Variants in UGCG observed in about 807,000 individuals in gnomAD.
UGCG encodes the protein UDP-glucose ceramide glucosyltransferase.
Under a neutral mutation model 49.5 loss-of-function variants are expected in UGCG, and 10 were observed. That is an observed-to-expected ratio of 0.20 (90% CI 0.12 to 0.34). The LOEUF (loss-of-function observed/expected upper bound fraction) is 0.34. Ranked by LOEUF, UGCG falls within the 10% of genes least tolerant of loss-of-function variation. The probability of loss-of-function intolerance (pLI) is 1.00; values close to 1 mark genes in which losing one functional copy is unlikely to be tolerated. For synonymous variants in UGCG, 182 were observed against 158.2 expected, an observed-to-expected ratio of 1.15 and a Z score of -1.13; for missense variants, 312 against 483.7, an observed-to-expected ratio of 0.65 and a Z score of 3.33.
At position 111,914,690 on chromosome 9, in the gene UGCG, G is replaced by A. The variant is rs375254021; in HGVS notation, c.184G>A (p.Val62Ile). ...GVSLLKPLKG[V>I]DPNLINNLET... is the part of the protein sequence containing the mutation. The stretch of plus-strand genomic sequence containing the variant: ...CTCTCTTCTGAAACCACTGAAAGGG[G>A]TAGATCCTAACTTAATCAACAACCT... The change falls in exon 2 of 9, where the codon GTA becomes ATA. Residue 62 changes from valine to isoleucine, a missense_variant. This residue lies in a region of UGCG where 65 missense variants were observed against 74.7 expected (regional missense o/e 0.87). Transcript: ENST00000374279. 1 of 1,614,118 alleles carries A rather than the reference G, an allele frequency of 6.2e-7. No individual in the cohort carries two copies. The highest frequency in any genetic ancestry group is 8.5e-7 in the Non-Finnish European group (1 of 1,180,000).
intron 3 of UGCG, among the ~76,000 whole-genome samples, chr9:111,924,166 C>G (rs1268293153): frequency 2.6e-5 from 4 of 152,100 alleles, no homozygotes; most frequent in Non-Finnish European, 4.4e-5. Flanking sequence ...TTAATTATAG[C>G]TTCAAAATAA....
At chr9:111,899,739 T>G (rs1004377722) in intron 1 of UGCG, among the ~76,000 whole-genome samples, 1 of 152,166 alleles carries the variant, frequency 6.6e-6, no homozygotes, top group East Asian at 1.9e-4. Context: ...TTTTTCTTAA[T>G]TTTTTCACAT....
At chr9:111,897,378 G>C (rs1837683137) in intron 1 of UGCG, 65 bp downstream of exon 1, 1 of 1,362,352 alleles carries the variant, frequency 7.3e-7, no homozygotes, top group Non-Finnish European at 1.0e-6. Flanking sequence ...GGCGAGAATG[G>C]GAAACGTTTG....
At chr9:111,901,219 G>A (rs542849335) in intron 1 of UGCG, among the ~76,000 whole-genome samples, 63 of 152,278 alleles carry the variant, frequency 4.1e-4, no homozygotes, top group African/African-American at 1.2e-3. Context: ...TAAACTACCC[G>A]TCAAAAACTG....
chr9:111,907,344 G>T (rs763642745), intron 1 of UGCG, among the ~76,000 whole-genome samples: 1 of 152,162 alleles, frequency 6.6e-6, no homozygotes, highest in Non-Finnish European at 1.5e-5. Context: ...ATGCTGTAAC[G>T]ATTAGACACT....
rs12000654 is a variant in UGCG at position 111,920,384 on chromosome 9, G to A, written c.241-2465G>A. On this transcript the variant is annotated intron_variant, in intron 2 of 8. Coordinates refer to ENST00000374279, the MANE Select transcript of UGCG (RefSeq NM_003358.3). The stretch of plus-strand genomic sequence containing the variant: ...CTTTTATTTTTATTTTCCCCGAGAC[G>A]GAGTTTCACTCTTGTTGCCCAGGCT... Among the ~76,000 whole-genome samples the A allele has an allele frequency of 8.1e-3, 1,227 of 151,968 alleles. 10 individuals are homozygous for A. The highest frequency in any genetic ancestry group is 0.022 in the African/African-American group (920 of 41,448).
chr9:111,926,999 A>C (rs1244716329), intron 5 of UGCG, among the ~76,000 whole-genome samples: 3 of 148,720 alleles, frequency 2.0e-5, no homozygotes, highest in South Asian at 4.2e-4. Context: ...CAGCCTCCCA[A>C]GTAGCTGGGA....
Position 111,897,214 on chromosome 9 carries a change from G to T in UGCG, c.-2G>T. ...GGCCGGGCCGGTCCGGCGGGCCGGG[G>T]GATGGCGCTGCTGGACCTGGCCTTG... is the stretch of plus-strand genomic sequence containing the variant. On this transcript the variant is annotated 5_prime_UTR_variant, in exon 1 of 9. Transcript: ENST00000374279. 1 of 1,545,582 alleles carries T rather than the reference G, an allele frequency of 6.5e-7. No individual in the cohort carries two copies. Among genetic ancestry groups the T allele is most frequent in the Non-Finnish European group, 8.7e-7 (1 of 1,146,744 alleles).
intron 6 of UGCG, 42 bp downstream of exon 6, chr9:111,929,720 C>G (rs1479589091): frequency 6.3e-7 from 1 of 1,596,856 alleles, no homozygotes; most frequent in Non-Finnish European, 8.5e-7. Flanking sequence ...TATTACCTAA[C>G]TTCTGTTGGT....
rs1837670327 is a variant in UGCG at position 111,896,920 on chromosome 9, T to C, written c.-296T>C. ...AGGGTCTGGTGGGCGGCCGCGAGGC[T>C]CGGGAGAGGCGAACCGGAGCGCGGG... On this transcript the variant is annotated 5_prime_UTR_variant, in exon 1 of 9. Transcript: ENST00000374279. The C allele has an allele frequency of 2.3e-5, 4 of 172,572 alleles. No homozygotes were observed. Among genetic ancestry groups the C allele is most frequent in the Admixed American group, 1.3e-4 (2 of 15,700 alleles). The allele number at this position is 172,572 out of a possible 1,614,324, so 10.7% of individuals were successfully genotyped here. A position where few individuals can be genotyped will look rare whatever the true frequency, so the allele number is the denominator to read the frequency against.
chr9:111,919,794 C>CAAAAAA, intron 2 of UGCG, among the ~76,000 whole-genome samples: 1 of 76,334 alleles, frequency 1.3e-5, no homozygotes, highest in Non-Finnish European at 2.7e-5. Flanking sequence ...GACTCCATCT[C>CAAAAAA]AAAAAAAAAA....
At chr9:111,914,889 T>C (rs1838085403) in intron 2 of UGCG, 143 bp downstream of exon 2, 5 of 1,212,300 alleles carry the variant, frequency 4.1e-6, no homozygotes, top group Non-Finnish European at 5.5e-6. Context: ...TAACCTTTAG[T>C]AGTAGTCATC....
At chr9:111,924,178 G>A (rs972974509) in intron 3 of UGCG, among the ~76,000 whole-genome samples, 4 of 152,008 alleles carry the variant, frequency 2.6e-5, no homozygotes, top group Non-Finnish European at 4.4e-5. Context: ...TCAAAATAAC[G>A]CCTGTAGCTT....
intron 1 of UGCG, among the ~76,000 whole-genome samples, chr9:111,907,707 C>G (rs536023957): frequency 6.6e-6 from 1 of 151,716 alleles, no homozygotes; most frequent in Non-Finnish European, 1.5e-5. Context: ...TCACTGCAAC[C>G]TCCGCCTCCC....
At chr9:111,906,423 GTGTTT>G (rs374371753) in intron 1 of UGCG, among the ~76,000 whole-genome samples, 21 of 151,574 alleles carry the variant, frequency 1.4e-4, no homozygotes, top group Non-Finnish European at 2.2e-4. Flanking sequence ...TTTTGTGTGT[GTGTTT>G]TGTTTTGTTT....
At chr9:111,904,202 A>G (rs1057140693) in intron 1 of UGCG, among the ~76,000 whole-genome samples, 1 of 152,200 alleles carries the variant, frequency 6.6e-6, no homozygotes, top group Non-Finnish European at 1.5e-5. Context: ...CTCACCTCGT[A>G]TCAGTCTGCC....
In UGCG at chr9:111,932,807, A is replaced by G. The variant is rs181614846; in HGVS notation, c.1015-20A>G. On this transcript the variant is annotated intron_variant, in intron 8 of 8. Transcript: ENST00000374279. ...GTTTGACAGTGAGTGAAATTAAAAA[A>G]TTTTTTTTTCCATTCCTAGGGTGGC... 1 of 1,523,066 alleles carries G rather than the reference A, an allele frequency of 6.6e-7. No homozygotes were observed. Among genetic ancestry groups the G allele is most frequent in the Admixed American group, 2.2e-5 (1 of 46,236 alleles). 94.3% of individuals were successfully genotyped at this position (1,523,066 alleles called of 1,614,324 possible). A position where few individuals can be genotyped will look rare whatever the true frequency, so the allele number is the denominator to read the frequency against.
intron 1 of UGCG, among the ~76,000 whole-genome samples, chr9:111,900,474 ATATG>A (rs1489500600): frequency 6.3e-5 from 5 of 79,330 alleles, no homozygotes; most frequent in Admixed American, 2.8e-4. Flanking sequence ...GTGTATATGT[ATATG>A]TGTGTGTGTG....
intron 7 of UGCG, among the ~76,000 whole-genome samples, chr9:111,931,780 G>T (rs148996350): frequency 6.6e-6 from 1 of 152,038 alleles, no homozygotes; most frequent in Non-Finnish European, 1.5e-5. Context: ...TAATCCCAGC[G>T]CTTTGGGAGG....
Sources: allele counts gnomAD v4.1 joint callset (sites outside exome capture counted in the v4.1 genomes callset), GRCh38; gene constraint gnomAD v4.1.1; regional missense constraint gnomAD v4.1.1; transcripts MANE v1.5; gene names NCBI Gene and HGNC (gene_info 2026-07-23, HGNC 2026-07-21).